Variants in PROM1 observed in about 807,000 individuals in gnomAD.
The protein encoded by PROM1 is prominin-1.
PROM1 carries 105 observed loss-of-function variants against 116.9 expected under a neutral mutation model. That is an observed-to-expected ratio of 0.90 (90% CI 0.77 to 1.06). The LOEUF is 1.06. Ranked by LOEUF, PROM1 falls within the 50% of genes least tolerant of loss-of-function variation. The probability of loss-of-function intolerance (pLI) is 0.00; values close to 1 mark genes in which losing one functional copy is unlikely to be tolerated. For missense variants in PROM1, 1,122 were observed against 1,045.2 expected (o/e 1.07, Z -1.01); for synonymous variants, 393 against 387.0 (o/e 1.02, Z -0.18).
intron 10 of PROM1, 62 bp downstream of exon 10, chr4:16,016,104 T>C (rs1453335271): frequency 5.1e-6 from 7 of 1,375,802 alleles, no homozygotes; most frequent in African/African-American, 2.9e-5. Flanking sequence ...TATTTTCTTA[T>C]GTACTAGTCC....
chr4:15,987,841 G>GA, intron 19 of PROM1, 125 bp from the exon 20 acceptor site: 2 of 650,822 alleles, frequency 3.1e-6, no homozygotes, highest in Non-Finnish European at 5.1e-6. Flanking sequence ...TTTCATTCTA[G>GA]AAAAAATAAC....
chr4:15,979,615 T>C (rs1189996991), intron 25 of PROM1, among the ~76,000 whole-genome samples, 152 bp from the exon 26 acceptor site: 3 of 152,242 alleles, frequency 2.0e-5, no homozygotes, highest in Admixed American at 2.0e-4. Flanking sequence ...GACATTTTGC[T>C]CCTTTTAAAC....
At chr4:16,042,069 C>G (rs1392194294) in intron 2 of PROM1, among the ~76,000 whole-genome samples, 1 of 152,106 alleles carries the variant, frequency 6.6e-6, no homozygotes, top group Admixed American at 6.6e-5. Context: ...TCACCTTGGC[C>G]TCCCAAAGCA....
At chr4:16,075,525 T>C (rs1224268276) in intron 2 of PROM1, among the ~76,000 whole-genome samples, 162 bp downstream of exon 2, 5 of 152,236 alleles carry the variant, frequency 3.3e-5, no homozygotes, top group African/African-American at 9.6e-5. Context: ...CTATGTAACC[T>C]GGTACAAGTC....
Position 16,081,847 on chromosome 4 carries a change from C to A in PROM1, c.-213+2131G>T, listed in dbSNP as rs1162785567. 2.6e-5 allele frequency among the ~76,000 whole-genome samples: 4 copies of A among 151,060 alleles called. 1 individual carries two copies. The highest frequency in any genetic ancestry group is 2.6e-4 in the Admixed American group (4 of 15,178). On this transcript the variant is annotated intron_variant, in intron 1 of 27. Transcript: ENST00000447510. ...AAAAATCAGAAGGAAGTTTAGAAAT[C>A]AGAAAGAAGTTTAGAAAAGTTTAGA...
chr4:15,993,679 A>G (rs1266359461), intron 16 of PROM1, among the ~76,000 whole-genome samples: 2 of 152,132 alleles, frequency 1.3e-5, no homozygotes, highest in African/African-American at 4.8e-5. Flanking sequence ...TTCCCACAAA[A>G]ACGTCTATAC....
At position 15,984,296 on chromosome 4, in the gene PROM1, A is replaced by C. The variant is rs368089869; in HGVS notation, c.2340T>G (p.Asp780Glu). Residue 780 changes from aspartate to glutamate, a missense_variant, in exon 23 of 28, where the codon GAT (aspartate) becomes GAG (glutamate). By Grantham distance (45) the Asp-to-Glu change is conservative (BLOSUM62 2). Coordinates refer to ENST00000447510, the MANE Select transcript of PROM1 (RefSeq NM_006017.3). ...CGATAATGTAGCTACACAGAAAGAC[A>C]TCAACAGCAGTATCTAGAGCGGTGG... is the stretch of plus-strand genomic sequence containing the variant. ...PVATALDTAV[D>E]VFLCSYIIDP... 5.6e-5 allele frequency: 90 copies of C among 1,609,214 alleles called. No homozygotes were observed. Among genetic ancestry groups the C allele is most frequent in the Admixed American group, 1.8e-4 (11 of 59,682 alleles).
In PROM1 at chr4:16,040,998, G is replaced by A. The variant is rs981229658; in HGVS notation, c.221-1997C>T. 2.6e-5 allele frequency among the ~76,000 whole-genome samples: 4 copies of A among 152,216 alleles called. No homozygotes were observed. In the East Asian group the frequency reaches 7.7e-4, roughly 29 times the overall value. On this transcript the variant is annotated intron_variant, in intron 2 of 27. Coordinates refer to ENST00000447510, the MANE Select transcript of PROM1 (RefSeq NM_006017.3). ...TCAGGCCACGTGGACTGGGGAAGCC[G>A]TGAGCCCAGCACCTCAAAGGTAGAT...
Position 16,025,329 on chromosome 4 carries a change from AGAG to A in PROM1, c.510-20_510-18del. 2 of 1,613,012 alleles carry A rather than the reference AGAG, an allele frequency of 1.2e-6. No individual in the cohort carries two copies. The highest frequency in any genetic ancestry group is 2.7e-5 in the African/African-American group (2 of 75,012). ...ATGCCAATGCTGCAGGAAAAGGCAGAGAGAAGAAAGAGCATTTACTGTGTGGTC... is the reference window on the plus strand; with the variant it reads ...ATGCCAATGCTGCAGGAAAAGGCAGAAAGAAAGAGCATTTACTGTGTGGTC... On this transcript the variant is annotated intron_variant, in intron 5 of 27. Coordinates refer to ENST00000447510, the MANE Select transcript of PROM1 (RefSeq NM_006017.3).
intron 13 of PROM1, among the ~76,000 whole-genome samples, chr4:16,002,853 G>A (rs1724218296): frequency 6.6e-6 from 1 of 152,108 alleles, no homozygotes; most frequent in South Asian, 2.1e-4. Context: ...CAGGGGTAGG[G>A]GAACCACTGC....
intron 7 of PROM1, 121 bp downstream of exon 7, chr4:16,024,174 C>T (rs1730627918): frequency 8.0e-6 from 7 of 872,958 alleles, no homozygotes; most frequent in Admixed American, 2.2e-5. Flanking sequence ...GGCAATAAGG[C>T]TAGGGAATCA....
At chr4:16,016,119 T>C (rs1417148959) in intron 10 of PROM1, 47 bp downstream of exon 10, 1 of 1,482,414 alleles carries the variant, frequency 6.7e-7, no homozygotes, top group Admixed American at 2.0e-5. Flanking sequence ...TAGTCCACCC[T>C]TTAAAATGAT....
intron 13 of PROM1, among the ~76,000 whole-genome samples, chr4:16,005,906 C>T (rs999375994): frequency 6.6e-6 from 1 of 152,214 alleles, no homozygotes; most frequent in Non-Finnish European, 1.5e-5. Flanking sequence ...TATGCTTTGT[C>T]GTATCCATAG....
intron 2 of PROM1, among the ~76,000 whole-genome samples, chr4:16,054,279 A>C (rs1738496956): frequency 2.0e-5 from 3 of 152,090 alleles, no homozygotes; most frequent in African/African-American, 7.2e-5. Flanking sequence ...CAGTCTATCT[A>C]ACCCCTTTTA....
intron 20 of PROM1, among the ~76,000 whole-genome samples, 180 bp from the exon 21 acceptor site, chr4:15,986,217 G>C (rs975582474): frequency 6.6e-6 from 1 of 152,184 alleles, no homozygotes; most frequent in African/African-American, 2.4e-5. Flanking sequence ...TGAGCTGAAA[G>C]TGAGCATTTA....
intron 23 of PROM1, among the ~76,000 whole-genome samples, chr4:15,981,253 G>A (rs1176439514): frequency 5.4e-5 from 8 of 147,464 alleles, no homozygotes; most frequent in Admixed American, 4.7e-4. Flanking sequence ...GAGCCACCGC[G>A]CCTGGCTGAG....
chr4:16,029,831 A>G (rs1732234878), intron 5 of PROM1, among the ~76,000 whole-genome samples: 2 of 152,202 alleles, frequency 1.3e-5, no homozygotes, highest in South Asian at 4.1e-4. Context: ...ATCACATGCA[A>G]AGATTATTTC....
chr4:15,979,504 C>G, intron 25 of PROM1, 41 bp from the exon 26 acceptor site: 1 of 1,575,764 alleles, frequency 6.3e-7, no homozygotes, highest in Non-Finnish European at 8.6e-7. Context: ...CATGTTATCT[C>G]TAAGATGAAG....
intron 14 of PROM1, among the ~76,000 whole-genome samples, chr4:15,999,348 G>A (rs1018532020): frequency 6.6e-6 from 1 of 151,964 alleles, no homozygotes; most frequent in East Asian, 2.0e-4. Flanking sequence ...GCGGGCACCT[G>A]TAGTTCCAGC....
Sources: allele counts gnomAD v4.1 joint callset (sites outside exome capture counted in the v4.1 genomes callset), GRCh38; gene constraint gnomAD v4.1.1; transcripts MANE v1.5; gene names NCBI Gene and HGNC (gene_info 2026-07-23, HGNC 2026-07-21).